Variants in ST3GAL3 observed in about 807,000 individuals in gnomAD.
ST3GAL3 encodes the protein ST3 beta-galactoside alpha-2,3-sialyltransferase 3, also known as CMP-N-acetylneuraminate-beta-1,4-galactoside alpha-2,3-sialyltransferase.
In ST3GAL3, 21 loss-of-function variants were observed where a neutral mutation model predicts 50.1. The ratio of observed to expected loss-of-function variants is 0.42; its 90% CI spans 0.30 to 0.60. The LOEUF (loss-of-function observed/expected upper bound fraction) is 0.60, where lower values mean the gene tolerates loss of function less well. ST3GAL3 is among the 20% of genes least tolerant of loss of function. The probability of loss-of-function intolerance (pLI) is 0.19; values close to 1 mark genes in which losing one functional copy is unlikely to be tolerated. For missense variants in ST3GAL3, 353 were observed against 489.4 expected, an observed-to-expected ratio of 0.72 and a Z score of 2.63; for synonymous variants, 183 against 190.0, an observed-to-expected ratio of 0.96 and a Z score of 0.30.
chr1:43,756,388 G>A (rs1558159570), intron 2 of ST3GAL3, among the ~76,000 whole-genome samples: 2 of 152,060 alleles, frequency 1.3e-5, no homozygotes, highest in African/African-American at 4.8e-5. Flanking sequence ...CCTTGATTGT[G>A]ATTTTATGTA....
intron 5 of ST3GAL3, among the ~76,000 whole-genome samples, chr1:43,893,064 G>A (rs1570814982): frequency 6.6e-6 from 1 of 152,170 alleles, no homozygotes; most frequent in Non-Finnish European, 1.5e-5. Flanking sequence ...GAGTGATGGG[G>A]GAGGGAGCAG....
intron 3 of ST3GAL3, among the ~76,000 whole-genome samples, chr1:43,802,577 C>T (rs2059435111): frequency 6.6e-6 from 1 of 152,254 alleles, no homozygotes; most frequent in East Asian, 1.9e-4. Flanking sequence ...AGGTGTGTTG[C>T]CCTTCACCTG....
intron 2 of ST3GAL3, among the ~76,000 whole-genome samples, chr1:43,747,506 C>G (rs1684257527): frequency 6.6e-6 from 1 of 151,858 alleles, no homozygotes. Flanking sequence ...TGCCACTCTC[C>G]CGCACCTCCA....
intron 5 of ST3GAL3, chr1:43,839,296 G>A (rs1475262748): frequency 6.6e-6 from 1 of 152,206 alleles, no homozygotes; most frequent in Non-Finnish European, 1.5e-5. Flanking sequence ...TCTTTGTCCA[G>A]GGTCTGCCTT....
chr1:43,861,892 T>G (rs2070035058), intron 5 of ST3GAL3, among the ~76,000 whole-genome samples: 1 of 152,056 alleles, frequency 6.6e-6, no homozygotes, highest in Admixed American at 6.6e-5. Context: ...GCCGGGCGTG[T>G]TGGCACATGC....
At chr1:43,750,759 G>C (rs755800996) in intron 2 of ST3GAL3, among the ~76,000 whole-genome samples, 1 of 151,682 alleles carries the variant, frequency 6.6e-6, no homozygotes, top group Non-Finnish European at 1.5e-5. Context: ...TTAGCCCAGC[G>C]TGGTGGTGTG....
chr1:43,760,273 A>G (rs1166316477), intron 2 of ST3GAL3, among the ~76,000 whole-genome samples: 1 of 152,226 alleles, frequency 6.6e-6, no homozygotes, highest in African/African-American at 2.4e-5. Context: ...AAAAACTTAC[A>G]TCTGCTGCCA....
At chr1:43,826,143 G>A (rs914913449) in intron 4 of ST3GAL3, among the ~76,000 whole-genome samples, 5 of 151,696 alleles carry the variant, frequency 3.3e-5, no homozygotes, top group African/African-American at 7.3e-5. Context: ...TGGTAATCCC[G>A]TCTACTTAGT....
chr1:43,818,737 G>A (rs1374338382), intron 4 of ST3GAL3, among the ~76,000 whole-genome samples: 1 of 151,948 alleles, frequency 6.6e-6, no homozygotes, highest in Non-Finnish European at 1.5e-5. Context: ...GCATAGAATA[G>A]GGAACTATGA....
At chr1:43,840,671 G>A (rs1279417283) in intron 5 of ST3GAL3, 2 of 152,068 alleles carry the variant, frequency 1.3e-5, no homozygotes, top group African/African-American at 2.4e-5. Context: ...TCCTACCAAC[G>A]TGTGATGTCT....
chr1:43,856,940 G>A (rs1048922173), intron 5 of ST3GAL3, among the ~76,000 whole-genome samples: 1 of 150,336 alleles, frequency 6.7e-6, no homozygotes, highest in East Asian at 1.9e-4. Flanking sequence ...CAGAAGTTGT[G>A]GGATTTTTTT....
chr1:43,791,663 T>C (rs1366335817), intron 2 of ST3GAL3, among the ~76,000 whole-genome samples: 1 of 152,244 alleles, frequency 6.6e-6, no homozygotes, highest in Non-Finnish European at 1.5e-5. Flanking sequence ...TAGGCCACTA[T>C]AAGCCTTTTT....
At chr1:43,747,500 A>G (rs1288050439) in intron 2 of ST3GAL3, among the ~76,000 whole-genome samples, 1 of 143,126 alleles carries the variant, frequency 7.0e-6, no homozygotes, top group African/African-American at 2.6e-5. Flanking sequence ...CAGGCATGCC[A>G]CTCTCCCGCA....
chr1:43,866,098 C>T (rs1232474290), intron 5 of ST3GAL3, among the ~76,000 whole-genome samples: 1 of 152,234 alleles, frequency 6.6e-6, no homozygotes, highest in Non-Finnish European at 1.5e-5. Context: ...ATTTTCAGCA[C>T]TGCCTGTTCT....
intron 9 of ST3GAL3, among the ~76,000 whole-genome samples, chr1:43,915,845 G>A (rs540180625): frequency 7.9e-5 from 12 of 152,350 alleles, no homozygotes; most frequent in East Asian, 7.7e-4. Flanking sequence ...GAGGCTGGGC[G>A]CAGTGGCTCA....
At chr1:43,722,699 G>C (rs893666892) in intron 1 of ST3GAL3, among the ~76,000 whole-genome samples, 11 of 152,170 alleles carry the variant, frequency 7.2e-5, no homozygotes, top group African/African-American at 2.7e-4. Context: ...CAGGATGAGA[G>C]TGAGGAGGAG....
intron 11 of ST3GAL3, among the ~76,000 whole-genome samples, chr1:43,924,719 T>C (rs956459108): frequency 6.6e-6 from 1 of 152,198 alleles, no homozygotes; most frequent in Non-Finnish European, 1.5e-5. Context: ...AGCCAGATCT[T>C]CGGCTAAGGC....
chr1:43,783,742 A>ACC (rs997650784), intron 2 of ST3GAL3, among the ~76,000 whole-genome samples: 1 of 150,900 alleles, frequency 6.6e-6, no homozygotes. Flanking sequence ...CACTGCCCCC[A>ACC]CCCCCCGCAG....
chr1:43,880,239 G>A (rs2074875987), intron 5 of ST3GAL3, among the ~76,000 whole-genome samples: 1 of 152,168 alleles, frequency 6.6e-6, no homozygotes, highest in African/African-American at 2.4e-5. Context: ...AGGTCAGTGT[G>A]ACTTACCATG....
Sources: allele counts gnomAD v4.1 joint callset (sites outside exome capture counted in the v4.1 genomes callset), GRCh38; gene constraint gnomAD v4.1.1; transcripts MANE v1.5; gene names NCBI Gene and HGNC (gene_info 2026-07-23, HGNC 2026-07-21).